The following C4orf51 variants were observed in gnomAD, a reference collection of about 807,000 sequenced individuals.
The protein encoded by C4orf51 is chromosome 4 open reading frame 51.
In C4orf51, 25 loss-of-function variants were observed where a neutral mutation model predicts 25.2. The ratio of observed to expected loss-of-function variants is 0.99; its 90% CI spans 0.72 to 1.39. The LOEUF is 1.39. C4orf51 is among the 40% of genes most tolerant of loss of function. The pLI is 0.00. For missense variants in C4orf51, 252 were observed against 239.6 expected (o/e 1.05, Z -0.34); for synonymous variants, 100 against 84.5 (o/e 1.18, Z -1.01).
chr4:145,755,350 T>A (rs1379019759), downstream of C4orf51, among the ~76,000 whole-genome samples: 5 of 152,162 alleles, frequency 3.3e-5, no homozygotes, highest in Non-Finnish European at 1.5e-5. Context: ...CTATAAAGAA[T>A]TGTGTAGGGG....
At chr4:145,740,603 A>G (rs1222524037) in intron 1 of C4orf51, among the ~76,000 whole-genome samples, 2 of 152,368 alleles carry the variant, frequency 1.3e-5, no homozygotes, top group East Asian at 1.9e-4. Context: ...TTGTAAAAGC[A>G]GGTCCACCTC....
At position 145,765,001 on chromosome 4, in the gene C4orf51, T is replaced by G. The variant is rs778672421; in HGVS notation, n.167-5987T>G. 3 of 1,613,466 alleles carry G rather than the reference T, an allele frequency of 1.9e-6. No homozygotes were observed. The highest frequency in any genetic ancestry group is 2.5e-6 in the Non-Finnish European group (3 of 1,179,688). On this transcript the variant is annotated intron_variant and non_coding_transcript_variant, in intron 1 of 1. Coordinates refer to the C4orf51 transcript ENST00000510096. This position sits in a 1 kb window ranked among gnomAD's most constrained non-coding sequence, Gnocchi z 4.7. ...TGCTTTCCTTACTTGAGCCCACCGG[T>G]GGGGACAGTGTGGCATTTCTTATGC... is the stretch of plus-strand genomic sequence containing the variant.
intron 2 of C4orf51, among the ~76,000 whole-genome samples, chr4:145,706,528 G>A (rs1197627386): frequency 6.6e-6 from 1 of 152,220 alleles, no homozygotes; most frequent in African/African-American, 2.4e-5. Context: ...TTCCGAAGGA[G>A]CTTTTATTGG....
chr4:145,765,663 T>C lies in C4orf51; in HGVS notation n.167-5325T>C. ...GGAGCCATCTGAATCATCTTTGCTG[T>C]TGGCTGAATCACTCAGAGCTGAGAG... On this transcript the variant is annotated intron_variant and non_coding_transcript_variant, in intron 1 of 1. Coordinates refer to the C4orf51 transcript ENST00000510096. This position sits in a 1 kb window ranked among gnomAD's most constrained non-coding sequence, Gnocchi z 4.7. 6.2e-7 allele frequency: 1 copy of C among 1,614,184 alleles called. No individual in the cohort carries two copies. The highest frequency in any genetic ancestry group is 2.2e-5 in the East Asian group (1 of 44,882).
At chr4:145,778,351 C>T in the C4orf51 span, among the ~76,000 whole-genome samples, 2 of 152,214 alleles carry the variant, frequency 1.3e-5, no homozygotes, top group Non-Finnish European at 2.9e-5. Context: ...CCAGGCTGGT[C>T]TCAAACTCCT....
chr4:145,745,992 A>G (rs11100900), intron 1 of C4orf51, among the ~76,000 whole-genome samples: 93,272 of 152,064 alleles, frequency 0.61, 29,917 homozygotes, highest in East Asian at 0.84. Context: ...TTTTTCATAA[A>G]CCTGTTTGCC....
chr4:145,692,980 G>A (rs987767111), intron 1 of C4orf51, among the ~76,000 whole-genome samples: 5 of 53,826 alleles, frequency 9.3e-5, no homozygotes, highest in Non-Finnish European at 2.1e-4. Flanking sequence ...TTTTTTTTTT[G>A]TAAGTCCCAT....
At chr4:145,701,150 G>A (rs1286876505) in intron 2 of C4orf51, among the ~76,000 whole-genome samples, 1 of 151,672 alleles carries the variant, frequency 6.6e-6, no homozygotes, top group Non-Finnish European at 1.5e-5. Context: ...TACCCAATCT[G>A]CTCCCAACAT....
chr4:145,771,794 A>G (rs1272064067), downstream of C4orf51, among the ~76,000 whole-genome samples: 3 of 152,252 alleles, frequency 2.0e-5, no homozygotes, highest in Non-Finnish European at 4.4e-5. Context: ...TATCCTGTAG[A>G]TCACAACTTC....
intron 2 of C4orf51, among the ~76,000 whole-genome samples, chr4:145,724,880 C>CAAAAAA (rs1222983724): frequency 3.4e-4 from 23 of 68,288 alleles, no homozygotes; most frequent in African/African-American, 8.5e-4. Flanking sequence ...AAGACTGTCT[C>CAAAAAA]AAAAAAAAAA....
At position 145,698,089 on chromosome 4, in the gene C4orf51, C is replaced by T. The variant is rs941936102; in HGVS notation, c.307+1457C>T. ...CCCTGAAATTAGTGAGGTTGAGAAC[C>T]TTGTTATATACTTGTTGGCCATGTG... On this transcript the variant is annotated intron_variant, in intron 2 of 5. Transcript: ENST00000438731. Among the ~76,000 whole-genome samples, 3 of 152,192 alleles carry T rather than the reference C, an allele frequency of 2.0e-5. No homozygotes were observed. In the South Asian group the frequency reaches 6.2e-4, roughly 32 times the overall value.
At chr4:145,725,801 A>C (rs1287961714) in intron 2 of C4orf51, among the ~76,000 whole-genome samples, 3 of 152,172 alleles carry the variant, frequency 2.0e-5, no homozygotes, top group Admixed American at 1.3e-4. Context: ...ACTATAAATG[A>C]GCAAAAGGAA....
At chr4:145,739,262 T>G (rs1732968068) in intron 1 of C4orf51, among the ~76,000 whole-genome samples, 2 of 152,222 alleles carry the variant, frequency 1.3e-5, no homozygotes, top group African/African-American at 4.8e-5. Context: ...ATAGATTTGG[T>G]CAGAAAAGAC....
the C4orf51 span, among the ~76,000 whole-genome samples, chr4:145,787,425 G>GCGTGGT: frequency 9.7e-3 from 1,417 of 145,528 alleles, 24 homozygotes; most frequent in African/African-American, 0.035. Flanking sequence ...CCACGCCATT[G>GCGTGGT]CACTCCAGCC....
chr4:145,701,833 GC>G (rs1730467226), intron 2 of C4orf51, among the ~76,000 whole-genome samples: 1 of 151,854 alleles, frequency 6.6e-6, no homozygotes, highest in South Asian at 2.1e-4. Flanking sequence ...ATCCCCACCT[GC>G]CCAGTTCCAT....
At chr4:145,726,583 ATT>A (rs1732072066) in intron 2 of C4orf51, among the ~76,000 whole-genome samples, 1 of 151,984 alleles carries the variant, frequency 6.6e-6, no homozygotes, top group Admixed American at 6.6e-5. Context: ...AAAAATTATT[ATT>A]TGTAGAGACG....
chr4:145,769,418 G>C lies in C4orf51; in HGVS notation n.167-1570G>C, dbSNP rs571359959. Among the ~76,000 whole-genome samples, 273 of 152,246 alleles carry C rather than the reference G, an allele frequency of 1.8e-3. 1 individual carries two copies. The highest frequency in any genetic ancestry group is 6.8e-3 in the Middle Eastern group (2 of 294). ...CTTCTAATATTCACCTGTTGCAAGT[G>C]ATTCTTTTAAATTCATTTTTAGAAT... On this transcript the variant is annotated intron_variant and non_coding_transcript_variant, in intron 1 of 1. Transcript: ENST00000510096.
chr4:145,733,766 A>G (rs1732646430), downstream of C4orf51, among the ~76,000 whole-genome samples: 1 of 152,112 alleles, frequency 6.6e-6, no homozygotes, highest in African/African-American at 2.4e-5. Context: ...GGTTTCCATT[A>G]AGCTCTCCAA....
chr4:145,702,139 A>C (rs1311518882), intron 2 of C4orf51, among the ~76,000 whole-genome samples: 1 of 152,192 alleles, frequency 6.6e-6, no homozygotes, highest in Non-Finnish European at 1.5e-5. Context: ...CTGCTACAGC[A>C]TAGGCTTCTA....
Sources: allele counts gnomAD v4.1 joint callset (sites outside exome capture counted in the v4.1 genomes callset), GRCh38; gene constraint gnomAD v4.1.1; non-coding constraint Gnocchi (gnomAD v3.1); transcripts MANE v1.5; gene names NCBI Gene and HGNC (gene_info 2026-07-23, HGNC 2026-07-21).